DLG2: variants seen among roughly 807,000 people sequenced by gnomAD.
DLG2 encodes discs large MAGUK scaffold protein 2, also known as disks large homolog 2.
In DLG2, 45 loss-of-function variants were observed where a neutral mutation model predicts 132.5. The ratio of observed to expected loss-of-function variants is 0.34; its 90% confidence interval spans 0.27 to 0.44. DLG2 has a LOEUF of 0.44. Ranked by LOEUF, DLG2 falls within the 20% of genes least tolerant of loss-of-function variation. DLG2 has a pLI of 1.00. For synonymous variants in DLG2, 424 were observed against 419.6 expected, an observed-to-expected ratio of 1.01 and a Z score of -0.13; for missense variants, 1,045 against 1,196.9, an observed-to-expected ratio of 0.87 and a Z score of 1.87.
intron 6 of DLG2, among the ~76,000 whole-genome samples, chr11:85,103,825 A>C (rs2152286603): frequency 6.6e-6 from 1 of 152,092 alleles, no homozygotes; most frequent in Non-Finnish European, 1.5e-5. Context: ...CACATATCTG[A>C]TAAGGGACTA....
intron 15 of DLG2, among the ~76,000 whole-genome samples, chr11:83,913,431 G>C (rs2076402254): frequency 1.3e-5 from 2 of 152,096 alleles, no homozygotes; most frequent in African/African-American, 2.4e-5. Context: ...ACTAGGGATA[G>C]AGGAAATAAT....
At chr11:84,662,715 A>G (rs1379042262) in intron 6 of DLG2, among the ~76,000 whole-genome samples, 1 of 140,058 alleles carries the variant, frequency 7.1e-6, no homozygotes, top group Non-Finnish European at 1.5e-5. Context: ...TGAACCTGGG[A>G]GGCGGAGGTT....
intron 6 of DLG2, chr11:84,545,184 T>C (rs1373968560): frequency 4.4e-6 from 2 of 453,884 alleles, no homozygotes; most frequent in African/African-American, 4.0e-5. Context: ...CACGAGAGCC[T>C]CCTTGGTTTC....
intron 2 of DLG2, among the ~76,000 whole-genome samples, chr11:85,623,811 C>A (rs1448859542): frequency 1.3e-5 from 2 of 152,176 alleles, no homozygotes; most frequent in Admixed American, 1.3e-4. Flanking sequence ...ACGTACCTAT[C>A]ATTAACTTTT....
intron 9 of DLG2, among the ~76,000 whole-genome samples, chr11:84,116,810 T>G (rs952881912): frequency 5.9e-5 from 9 of 152,230 alleles, no homozygotes; most frequent in Admixed American, 2.0e-4. Context: ...ATATTTTAAG[T>G]GTCAAATGAA....
intron 3 of DLG2, among the ~76,000 whole-genome samples, chr11:85,491,421 C>T (rs1170889685): frequency 1.3e-5 from 2 of 151,994 alleles, no homozygotes; most frequent in African/African-American, 2.4e-5. Context: ...CTAGCCAGAG[C>T]AATCAAGCAA....
intron 15 of DLG2, among the ~76,000 whole-genome samples, chr11:83,922,227 T>C (rs935142088): frequency 6.6e-6 from 1 of 152,160 alleles, no homozygotes; most frequent in Non-Finnish European, 1.5e-5. Flanking sequence ...TGCATTAATA[T>C]AAAATCAAGG....
chr11:85,138,896 C>T (rs976619572), intron 5 of DLG2, among the ~76,000 whole-genome samples: 1 of 151,882 alleles, frequency 6.6e-6, no homozygotes, highest in African/African-American at 2.4e-5. Flanking sequence ...CTAATACATA[C>T]CCAAAGCACA....
chr11:84,858,880 T>C (rs545876110), intron 6 of DLG2, among the ~76,000 whole-genome samples: 2 of 152,000 alleles, frequency 1.3e-5, no homozygotes, highest in Admixed American at 6.6e-5. Context: ...AATATACACA[T>C]TTTAAAACTA....
At chr11:83,540,879 G>A (rs1416346655) in intron 20 of DLG2, among the ~76,000 whole-genome samples, 1 of 152,100 alleles carries the variant, frequency 6.6e-6, no homozygotes, top group Non-Finnish European at 1.5e-5. Flanking sequence ...GCCAATTTCT[G>A]TTTCTTGGAC....
chr11:83,709,314 T>C (rs2084832437), intron 18 of DLG2, among the ~76,000 whole-genome samples: 1 of 148,142 alleles, frequency 6.8e-6, no homozygotes, highest in Non-Finnish European at 1.5e-5. Context: ...CGTATATATG[T>C]ATAAAGTTAT....
At chr11:83,597,851 T>C (rs1416802048) in intron 19 of DLG2, among the ~76,000 whole-genome samples, 1 of 152,088 alleles carries the variant, frequency 6.6e-6, no homozygotes, top group African/African-American at 2.4e-5. Context: ...AGAATAAAAA[T>C]AAACTCTACA....
chr11:84,091,307 T>C (rs1254200804), intron 10 of DLG2, among the ~76,000 whole-genome samples: 2 of 152,258 alleles, frequency 1.3e-5, no homozygotes, highest in African/African-American at 2.4e-5. Context: ...TTCCCTGCAG[T>C]TTCTGGCTGT....
intron 3 of DLG2, among the ~76,000 whole-genome samples, chr11:85,307,092 A>G (rs955963419): frequency 4.6e-5 from 7 of 152,238 alleles, no homozygotes; most frequent in Admixed American, 3.3e-4. Flanking sequence ...AGGCAAAGAC[A>G]GGTTGGCCAT....
At chr11:84,981,037 G>A (rs1055822588) in intron 6 of DLG2, among the ~76,000 whole-genome samples, 2 of 152,094 alleles carry the variant, frequency 1.3e-5, no homozygotes, top group African/African-American at 4.8e-5. Flanking sequence ...TCTGGCTTAT[G>A]AGCTTTTAAA....
chr11:83,902,732 C>T (rs1269574304), intron 15 of DLG2, among the ~76,000 whole-genome samples: 1 of 152,016 alleles, frequency 6.6e-6, no homozygotes, highest in Admixed American at 6.6e-5. Flanking sequence ...CCTTCCTAAT[C>T]CCCAGGAATA....
chr11:84,114,221 T>C (rs372849311), intron 9 of DLG2, among the ~76,000 whole-genome samples: 15 of 152,166 alleles, frequency 9.9e-5, no homozygotes, highest in Non-Finnish European at 1.3e-4. Flanking sequence ...ACATAAACTA[T>C]AGGAGCTCTT....
At chr11:84,306,040 TG>T (rs1266771768) in intron 7 of DLG2, among the ~76,000 whole-genome samples, 1 of 152,180 alleles carries the variant, frequency 6.6e-6, no homozygotes, top group Non-Finnish European at 1.5e-5. Context: ...TTCTAGATCT[TG>T]TGACCAACAT....
intron 11 of DLG2, among the ~76,000 whole-genome samples, chr11:84,045,551 A>G (rs1192639528): frequency 6.6e-6 from 1 of 151,748 alleles, no homozygotes; most frequent in African/African-American, 2.4e-5. Flanking sequence ...AAGATTCTTA[A>G]AAACAAAGCT....
Sources: allele counts gnomAD v4.1 joint callset (sites outside exome capture counted in the v4.1 genomes callset), GRCh38; gene constraint gnomAD v4.1.1; transcripts MANE v1.5; gene names NCBI Gene and HGNC (gene_info 2026-07-23, HGNC 2026-07-21).